ZFPM1: variants seen among roughly 807,000 people sequenced by gnomAD.
ZFPM1 encodes zinc finger protein ZFPM1.
Under a neutral mutation model 46.3 loss-of-function variants are expected in ZFPM1, and 28 were observed. That is an observed-to-expected ratio of 0.60 (90% confidence interval 0.45 to 0.83). The LOEUF (loss-of-function observed/expected upper bound fraction) is 0.83, where lower values mean the gene tolerates loss of function less well. Ranked by LOEUF, ZFPM1 falls within the 40% of genes least tolerant of loss-of-function variation. The pLI is 0.00. For synonymous variants in ZFPM1, 957 were observed against 675.9 expected, an observed-to-expected ratio of 1.42 and a Z score of -6.45; for missense variants, 1,878 against 1,432.4, an observed-to-expected ratio of 1.31 and a Z score of -5.02.
chr16:88,491,126 T>C (rs1371570321), intron 3 of ZFPM1, among the ~76,000 whole-genome samples: 1 of 152,098 alleles, frequency 6.6e-6, no homozygotes, highest in East Asian at 1.9e-4. Flanking sequence ...CAGGTGCTGG[T>C]GCCTCAGGCC....
At chr16:88,503,604 G>T (rs530187650) in intron 3 of ZFPM1, among the ~76,000 whole-genome samples, 1 of 152,332 alleles carries the variant, frequency 6.6e-6, no homozygotes, top group African/African-American at 2.4e-5. Context: ...TGTGGAGCCA[G>T]GTCCTCTCTG....
At chr16:88,505,199 A>G (rs1328115518) in intron 3 of ZFPM1, among the ~76,000 whole-genome samples, 1 of 152,098 alleles carries the variant, frequency 6.6e-6, no homozygotes, top group Admixed American at 6.5e-5. Flanking sequence ...GCTGCTCTAC[A>G]GTGGACGCCA....
intron 1 of ZFPM1, among the ~76,000 whole-genome samples, chr16:88,454,524 G>A: frequency 6.6e-6 from 1 of 152,110 alleles, no homozygotes; most frequent in Non-Finnish European, 1.5e-5. Context: ...GGCCGGGGTC[G>A]CCCCTGCACG....
Position 88,485,919 on chromosome 16 carries a change from C to T in ZFPM1, c.41-20C>T. ...TCCCCCCAGAGCTCCTCCCGAACCC[C>T]CATCGTCTTGTGTCCACAGGTTCCC... On this transcript the variant is annotated intron_variant, in intron 1 of 9. Transcript: ENST00000319555. The T allele has an allele frequency of 6.2e-7, 1 of 1,611,646 alleles. No homozygotes were observed.
At chr16:88,533,031 C>T in intron 9 of ZFPM1, 96 bp downstream of exon 9, 2 of 1,539,690 alleles carry the variant, frequency 1.3e-6, no homozygotes, top group Non-Finnish European at 1.7e-6. Flanking sequence ...GGGTCCGTTT[C>T]AGCCTTCGCT....
At position 88,534,392 on chromosome 16, in the gene ZFPM1, G is replaced by C. The variant is rs553459737; in HGVS notation, c.2434G>C (p.Ala812Pro). 6.8e-6 allele frequency: 10 copies of C among 1,471,890 alleles called. No homozygotes were observed. In the South Asian group the frequency reaches 1.1e-4, roughly 17 times the overall value. 91.2% of individuals were successfully genotyped at this position (1,471,890 alleles called of 1,614,324 possible). A position where few individuals can be genotyped will look rare whatever the true frequency, so the allele number is the denominator to read the frequency against. The part of the protein sequence containing the change: ...RRPLPGAPAP[A>P]LADYHECTAC... ...CCCGCTCCCCGGAGCCCCGGCACCG[G>C]CGCTGGCCGACTACCACGAGTGCAC... The change falls in exon 10 of 10, where the codon GCG (alanine) becomes CCG (proline). Residue 812 changes from alanine to proline, a missense_variant. By Grantham distance (27) the Ala-to-Pro change is conservative. Transcript: ENST00000319555.
chr16:88,533,051 T>TACC, intron 9 of ZFPM1, 97 bp from the exon 10 acceptor site: 4 of 1,351,628 alleles, frequency 3.0e-6, no homozygotes, highest in Non-Finnish European at 4.0e-6. Context: ...TCTAAACCAC[T>TACC]CCCGCCCACC....
chr16:88,468,001 G>A (rs1908217916), intron 1 of ZFPM1, among the ~76,000 whole-genome samples: 3 of 146,680 alleles, frequency 2.0e-5, no homozygotes, highest in South Asian at 2.1e-4. Context: ...GCACACCCGC[G>A]AGCCCCCCAC....
At position 88,532,201 on chromosome 16, in the gene ZFPM1, CA is replaced by C; in HGVS notation, c.913del (p.Ser305AlafsTer19). On this transcript the variant is annotated frameshift_variant, in exon 7 of 10. Transcript: ENST00000319555. LOFTEE classifies it high-confidence loss of function. ...AGTGCCGCAAGAGCTGCCCCAGCGC[CA>C]GCTCCCTGGAGATCCACATGCGCAG... The part of the protein sequence containing the change: ...PQCRKSCPSA[S>X]SLEIHMRSHS... 1 of 1,609,628 alleles carries C rather than the reference CA, an allele frequency of 6.2e-7. No homozygotes were observed. Among genetic ancestry groups the C allele is most frequent in the Non-Finnish European group, 8.5e-7 (1 of 1,177,670 alleles).
rs901675565 is a variant in ZFPM1, at chr16:88,533,830, G to A, written c.1872G>A (p.Ala624=). The A allele has an allele frequency of 1.0e-6, 1 of 993,816 alleles. No homozygotes were observed. The highest frequency in any genetic ancestry group is 1.2e-6 in the Non-Finnish European group (1 of 833,832). The allele number at this position is 993,816 out of a possible 1,614,324, so 61.6% of individuals were successfully genotyped here. A position where few individuals can be genotyped will look rare whatever the true frequency, so the allele number is the denominator to read the frequency against. The part of the protein sequence containing the change: ...RPKAPPGPAR[A]PPGQPAEPDA... The stretch of plus-strand genomic sequence containing the variant: ...AGGCGCCCCCCGGCCCGGCCCGCGC[G>A]CCCCCCGGCCAGCCCGCCGAACCCG... Residue 624 remains alanine, a synonymous_variant, in exon 10 of 10, where the codon GCG becomes GCA. Transcript: ENST00000319555.
intron 4 of ZFPM1, among the ~76,000 whole-genome samples, chr16:88,515,937 G>A (rs59312158): frequency 0.031 from 4,754 of 152,178 alleles, 108 homozygotes; most frequent in South Asian, 0.08. Flanking sequence ...TAGGAGCTCC[G>A]TGGCTCTCAT....
chr16:88,492,812 G>A (rs1156752042), intron 3 of ZFPM1, among the ~76,000 whole-genome samples: 2 of 152,134 alleles, frequency 1.3e-5, no homozygotes, highest in African/African-American at 2.4e-5. Flanking sequence ...ATCAGGCAGA[G>A]AGGAGGCCTC....
chr16:88,475,477 A>G (rs1380264726), intron 1 of ZFPM1, among the ~76,000 whole-genome samples: 2 of 151,020 alleles, frequency 1.3e-5, no homozygotes, highest in Non-Finnish European at 2.9e-5. Context: ...CTGTGTCCCA[A>G]TCCCACCCAA....
intron 6 of ZFPM1, among the ~76,000 whole-genome samples, chr16:88,531,620 C>T (rs923353140): frequency 1.3e-5 from 2 of 152,218 alleles, no homozygotes; most frequent in South Asian, 4.1e-4. Context: ...CACACGTTTC[C>T]TCTTCCACGG....
chr16:88,503,649 T>G (rs1056827722), intron 3 of ZFPM1, among the ~76,000 whole-genome samples: 1 of 152,174 alleles, frequency 6.6e-6, no homozygotes, highest in East Asian at 1.9e-4. Context: ...GGGTGATCGG[T>G]GCCATGGCAG....
chr16:88,502,259 G>T (rs981871503), intron 3 of ZFPM1, among the ~76,000 whole-genome samples: 9 of 152,188 alleles, frequency 5.9e-5, no homozygotes, highest in Non-Finnish European at 1.3e-4. Context: ...CTGCCCGAAA[G>T]GGCCGAGCAG....
At position 88,492,663 on chromosome 16, in the gene ZFPM1, T is replaced by G. The variant is rs529415190; in HGVS notation, c.268+3510T>G. ...TTTCCCAGGGAAAGCGACTGGGACT[T>G]GTGGACATCCAGAAGGTGGACGGTG... On this transcript the variant is annotated intron_variant, in intron 3 of 9. Transcript: ENST00000319555. 1.6e-3 allele frequency among the ~76,000 whole-genome samples: 251 copies of G among 152,280 alleles called. 1 individual carries two copies. The highest frequency in any genetic ancestry group is 5.6e-3 in the African/African-American group (234 of 41,560).
chr16:88,508,815 G>A (rs905527842), intron 3 of ZFPM1, among the ~76,000 whole-genome samples: 1 of 152,222 alleles, frequency 6.6e-6, no homozygotes, highest in African/African-American at 2.4e-5. Context: ...TTTCCCCCCA[G>A]GAGGGTCTGA....
intron 1 of ZFPM1, among the ~76,000 whole-genome samples, chr16:88,475,097 A>G (rs910980935): frequency 2.0e-5 from 3 of 152,228 alleles, no homozygotes; most frequent in African/African-American, 7.2e-5. Flanking sequence ...ATAAACTGTG[A>G]AGGGCTGTGC....
Sources: allele counts gnomAD v4.1 joint callset (sites outside exome capture counted in the v4.1 genomes callset), GRCh38; gene constraint gnomAD v4.1.1; transcripts MANE v1.5; gene names NCBI Gene and HGNC (gene_info 2026-07-23, HGNC 2026-07-21).